The following UBN2 variants were observed in gnomAD, a reference collection of about 807,000 sequenced individuals.
UBN2 encodes ubinuclein-2.
A neutral mutation model predicts 120.2 loss-of-function variants in UBN2; 35 were observed. That is an observed-to-expected ratio of 0.29 (90% CI 0.22 to 0.39). The LOEUF (loss-of-function observed/expected upper bound fraction) is 0.39, where lower values mean the gene tolerates loss of function less well. Among genes scored for constraint, UBN2 ranks in the 10% least tolerant of loss-of-function variants. The pLI is 1.00. For synonymous variants in UBN2, 661 were observed against 648.7 expected, an observed-to-expected ratio of 1.02 and a Z score of -0.29; for missense variants, 1,693 against 1,663.2, an observed-to-expected ratio of 1.02 and a Z score of -0.31.
chr7:139,244,601 C>T (rs1372164672), intron 2 of UBN2, among the ~76,000 whole-genome samples: 4 of 152,128 alleles, frequency 2.6e-5, no homozygotes, highest in Non-Finnish European at 5.9e-5. Context: ...AGTCTTCCTG[C>T]ACCACTGCTT....
At chr7:139,325,906 C>G in the UBN2 span, among the ~76,000 whole-genome samples, 1 of 151,982 alleles carries the variant, frequency 6.6e-6, no homozygotes, top group Admixed American at 6.6e-5. Flanking sequence ...AAAACATGGG[C>G]ATTGCACCGG....
chr7:139,245,036 C>T (rs1021839760), intron 2 of UBN2, among the ~76,000 whole-genome samples: 15 of 151,388 alleles, frequency 9.9e-5, no homozygotes, highest in Non-Finnish European at 2.2e-4. Context: ...TGGGCTCAAG[C>T]GATCCTCCCA....
chr7:139,284,665 T>C (rs1317590294), intron 15 of UBN2, 91 bp downstream of exon 15: 5 of 1,152,324 alleles, frequency 4.3e-6, no homozygotes, highest in Admixed American at 5.3e-5. Context: ...TTTTATGATA[T>C]GTGGATTGTT....
intron 9 of UBN2, 33 bp downstream of exon 9, chr7:139,272,473 C>A: frequency 6.6e-7 from 1 of 1,516,712 alleles, no homozygotes; most frequent in Non-Finnish European, 9.1e-7. Flanking sequence ...CTGGCTTTTG[C>A]ATTTGAGAAG....
intron 5 of UBN2, 150 bp downstream of exon 5, chr7:139,259,520 TGTA>T (rs1796867788): frequency 9.1e-7 from 1 of 1,104,020 alleles, no homozygotes; most frequent in Non-Finnish European, 1.2e-6. Context: ...TTAATAGTAT[TGTA>T]GTATTTGTTC....
At chr7:139,264,123 A>T (rs2130989357) in intron 6 of UBN2, among the ~76,000 whole-genome samples, 1 of 152,320 alleles carries the variant, frequency 6.6e-6, no homozygotes, top group African/African-American at 2.4e-5. Flanking sequence ...TTTTTAAAAA[A>T]TACTGTTTTT....
rs575395741 is a variant in UBN2, at chr7:139,261,141, A to C, written c.906-111A>C. ...TATAAGTTAATAAGAAATTAAGAAA[A>C]CTGCTCTGTCACCTGTCAAATTATT... On this transcript the variant is annotated intron_variant, in intron 5 of 17. Coordinates refer to ENST00000473989, the MANE Select transcript of UBN2 (RefSeq NM_173569.4). 2.2e-5 allele frequency: 28 copies of C among 1,280,648 alleles called. 1 individual carries two copies. In the South Asian group the frequency reaches 4.1e-4, roughly 19 times the overall value. The allele number at this position is 1,280,648 out of a possible 1,614,324, so 79.3% of individuals were successfully genotyped here. A position where few individuals can be genotyped will look rare whatever the true frequency, so the allele number is the denominator to read the frequency against.
chr7:139,265,222 G>T (rs756027762), intron 6 of UBN2, among the ~76,000 whole-genome samples: 25 of 151,992 alleles, frequency 1.6e-4, no homozygotes, highest in Non-Finnish European at 3.5e-4. Context: ...TTGGCCGGGC[G>T]CAGTGGCCCA....
In UBN2 at chr7:139,231,463, G is replaced by C; in HGVS notation, c.-22G>C. The C allele has an allele frequency of 7.6e-7, 1 of 1,313,830 alleles. No individual in the cohort carries two copies. The highest frequency in any genetic ancestry group is 9.8e-7 in the Non-Finnish European group (1 of 1,025,268). 81.4% of individuals were successfully genotyped at this position (1,313,830 alleles called of 1,614,324 possible). ...GAAGCGAGCGCCGGCTCGAGCAAAAGCGGAGGGCCAGAACAGTGGGGATGG... is the reference window on the plus strand; with the variant it reads ...GAAGCGAGCGCCGGCTCGAGCAAAACCGGAGGGCCAGAACAGTGGGGATGG... On this transcript the variant is annotated 5_prime_UTR_variant, in exon 1 of 18. Transcript: ENST00000473989.
intron 17 of UBN2, among the ~76,000 whole-genome samples, chr7:139,295,661 T>G (rs936813906): frequency 6.6e-6 from 1 of 152,264 alleles, no homozygotes; most frequent in Non-Finnish European, 1.5e-5. Context: ...AGCTCATGCC[T>G]GTAATCCCAG....
At chr7:139,248,810 A>G (rs1386913518) in intron 2 of UBN2, among the ~76,000 whole-genome samples, 1 of 152,056 alleles carries the variant, frequency 6.6e-6, no homozygotes. Context: ...ACTTCTTCTC[A>G]ATAGACTACC....
At chr7:139,262,049 C>T (rs1213670070) in intron 6 of UBN2, among the ~76,000 whole-genome samples, 1 of 150,724 alleles carries the variant, frequency 6.6e-6, no homozygotes. Flanking sequence ...TCCCAAAGTG[C>T]TGGGATTACA....
intron 4 of UBN2, among the ~76,000 whole-genome samples, chr7:139,258,883 A>G (rs540500206): frequency 6.6e-5 from 10 of 152,164 alleles, no homozygotes; most frequent in Non-Finnish European, 1.5e-4. Flanking sequence ...GGAGAAGGTT[A>G]TATTTCTCGG....
rs761392220 is a variant in UBN2, at chr7:139,294,031, A to G, written c.3994+50A>G. ...CTTTCTTATTTGTATAGGCTTATAGATATGGATTATACTTTTCTGAAAACA... is the reference window on the plus strand; with the variant it reads ...CTTTCTTATTTGTATAGGCTTATAGGTATGGATTATACTTTTCTGAAAACA... On this transcript the variant is annotated intron_variant, in intron 17 of 17. Transcript: ENST00000473989. 4.2e-5 allele frequency: 66 copies of G among 1,553,718 alleles called. No homozygotes were observed. The Middle Eastern group carries it at 6.7e-4, about 16-fold the overall frequency.
chr7:139,259,435 G>C, intron 5 of UBN2, 65 bp downstream of exon 5: 1 of 1,582,022 alleles, frequency 6.3e-7, no homozygotes, highest in Non-Finnish European at 8.6e-7. Context: ...CCTTTAGAAA[G>C]ATATACTTAC....
At chr7:139,260,848 T>G (rs1796910251) in intron 5 of UBN2, among the ~76,000 whole-genome samples, 1 of 152,232 alleles carries the variant, frequency 6.6e-6, no homozygotes, top group Non-Finnish European at 1.5e-5. Context: ...ATTTATTAAG[T>G]ACCCTGCTGT....
At chr7:139,266,163 T>C (rs1797091088) in intron 6 of UBN2, among the ~76,000 whole-genome samples, 170 bp from the exon 7 acceptor site, 1 of 136,784 alleles carries the variant, frequency 7.3e-6, no homozygotes, top group Non-Finnish European at 1.5e-5. Flanking sequence ...AGCTGTAAGG[T>C]GGGAGGATTG....
chr7:139,317,745 C>T, the UBN2 span, among the ~76,000 whole-genome samples: 1 of 152,068 alleles, frequency 6.6e-6, no homozygotes, highest in Non-Finnish European at 1.5e-5. Context: ...TCACTGCAAC[C>T]TCCACCTCCC....
intron 15 of UBN2, 39 bp downstream of exon 15, chr7:139,284,613 A>G: frequency 2.0e-6 from 3 of 1,527,406 alleles, no homozygotes; most frequent in East Asian, 4.5e-5. Context: ...AAACTATAAG[A>G]TTGTATAATG....
Sources: gnomAD v4.1 joint callset for allele counts (sites outside exome capture counted in the v4.1 genomes callset) on GRCh38, gnomAD v4.1.1 for gene constraint, MANE v1.5 for transcripts, NCBI Gene and HGNC (gene_info 2026-07-23, HGNC 2026-07-21) for gene names.